The following KCNH8 variants were observed in gnomAD, a reference collection of about 807,000 sequenced individuals.
KCNH8 encodes the protein potassium voltage-gated channel subfamily H member 8.
Under a neutral mutation model 103.6 loss-of-function variants are expected in KCNH8, and 70 were observed. That is an observed-to-expected ratio of 0.68 (90% CI 0.56 to 0.82). The LOEUF is 0.82. KCNH8 is among the 40% of genes least tolerant of loss of function. The probability of loss-of-function intolerance (pLI) is 0.00; values close to 1 mark genes in which losing one functional copy is unlikely to be tolerated. For missense variants in KCNH8, 1,217 were observed against 1,329.9 expected (o/e 0.92, Z 1.32); for synonymous variants, 498 against 489.4 (o/e 1.02, Z -0.23).
At chr3:19,498,581 G>A (rs1006179634) in intron 11 of KCNH8, among the ~76,000 whole-genome samples, 2 of 152,098 alleles carry the variant, frequency 1.3e-5, no homozygotes, top group Non-Finnish European at 2.9e-5. Flanking sequence ...CTCTCAACTC[G>A]TCAAAGTCAT....
intron 8 of KCNH8, among the ~76,000 whole-genome samples, chr3:19,445,975 C>T (rs1175670207): frequency 6.6e-6 from 1 of 151,940 alleles, no homozygotes; most frequent in Non-Finnish European, 1.5e-5. Flanking sequence ...GGTACTTAAG[C>T]AGATGATGTC....
chr3:19,258,979 A>ATATATC (rs1316736628), intron 2 of KCNH8, among the ~76,000 whole-genome samples: 2 of 127,066 alleles, frequency 1.6e-5, no homozygotes, highest in African/African-American at 5.7e-5. Context: ...ATATATATAT[A>ATATATC]TATCTGGAAA....
chr3:19,284,539 G>A, intron 3 of KCNH8, among the ~76,000 whole-genome samples: 1 of 150,464 alleles, frequency 6.6e-6, no homozygotes, highest in African/African-American at 2.5e-5. Context: ...GTGTGTGTGT[G>A]TGTGTGTGTG....
At chr3:19,249,032 CT>C (rs2064242628) in intron 1 of KCNH8, among the ~76,000 whole-genome samples, 2 of 152,026 alleles carry the variant, frequency 1.3e-5, no homozygotes, top group Non-Finnish European at 2.9e-5. Context: ...CACTTTCAAA[CT>C]GAATATATAT....
chr3:19,514,947 A>G (rs1374884331), intron 13 of KCNH8, among the ~76,000 whole-genome samples: 2 of 150,858 alleles, frequency 1.3e-5, no homozygotes, highest in Non-Finnish European at 3.0e-5. Flanking sequence ...CTTTTAAATT[A>G]TCTAACAAAC....
At chr3:19,304,505 A>G (rs2065104669) in intron 3 of KCNH8, among the ~76,000 whole-genome samples, 1 of 152,146 alleles carries the variant, frequency 6.6e-6, no homozygotes, top group African/African-American at 2.4e-5. Flanking sequence ...AAATAAATAT[A>G]GGATATAATG....
intron 1 of KCNH8, among the ~76,000 whole-genome samples, chr3:19,245,263 G>A (rs2064190044): frequency 6.6e-6 from 1 of 152,078 alleles, no homozygotes; most frequent in South Asian, 2.1e-4. Context: ...ATATCATATG[G>A]TTGTAAATGT....
At chr3:19,302,711 A>G (rs1455784238) in intron 3 of KCNH8, among the ~76,000 whole-genome samples, 1 of 152,116 alleles carries the variant, frequency 6.6e-6, no homozygotes, top group Non-Finnish European at 1.5e-5. Flanking sequence ...CTTCCTACTT[A>G]GACTCTCTTC....
intron 5 of KCNH8, among the ~76,000 whole-genome samples, chr3:19,388,463 G>C (rs142260001): frequency 1.3e-5 from 2 of 151,986 alleles, no homozygotes; most frequent in Admixed American, 1.3e-4. Flanking sequence ...TCTCCCTCAC[G>C]GTGGCCATGC....
intron 7 of KCNH8, among the ~76,000 whole-genome samples, chr3:19,416,034 T>C (rs1359521239): frequency 6.6e-6 from 1 of 152,122 alleles, no homozygotes; most frequent in Non-Finnish European, 1.5e-5. Flanking sequence ...GTTATCTTCT[T>C]TCCTACGTAA....
At chr3:19,499,684 A>G (rs1227528339) in intron 11 of KCNH8, among the ~76,000 whole-genome samples, 3 of 152,208 alleles carry the variant, frequency 2.0e-5, no homozygotes, top group African/African-American at 7.2e-5. Flanking sequence ...TATCCAGCCA[A>G]ACTAAGCTTC....
chr3:19,410,756 A>G (rs1236484874), intron 7 of KCNH8, among the ~76,000 whole-genome samples: 3 of 152,018 alleles, frequency 2.0e-5, no homozygotes, highest in Non-Finnish European at 4.4e-5. Context: ...CTAAAAATCT[A>G]GAGGAAATGA....
chr3:19,420,744 T>C (rs2066938503), intron 7 of KCNH8, among the ~76,000 whole-genome samples: 1 of 152,324 alleles, frequency 6.6e-6, no homozygotes, highest in African/African-American at 2.4e-5. Flanking sequence ...AAAATGGGCA[T>C]AGTAATACAA....
intron 11 of KCNH8, among the ~76,000 whole-genome samples, chr3:19,476,027 T>C (rs2125208149): frequency 6.6e-6 from 1 of 152,288 alleles, no homozygotes; most frequent in Middle Eastern, 3.4e-3. Context: ...CACCTGAAAA[T>C]GACTATTTGG....
intron 3 of KCNH8, among the ~76,000 whole-genome samples, chr3:19,316,235 C>G (rs1167578535): frequency 6.6e-6 from 1 of 151,800 alleles, no homozygotes; most frequent in Non-Finnish European, 1.5e-5. Context: ...GGGGGACTGT[C>G]TTGTGCATTG....
At chr3:19,358,648 A>C (rs571484650) in intron 5 of KCNH8, among the ~76,000 whole-genome samples, 88 of 152,110 alleles carry the variant, frequency 5.8e-4, no homozygotes, top group African/African-American at 1.8e-3. Flanking sequence ...AATTTAATTA[A>C]CTATTGACTG....
At chr3:19,322,194 A>G (rs2065358711) in intron 3 of KCNH8, among the ~76,000 whole-genome samples, 1 of 152,148 alleles carries the variant, frequency 6.6e-6, no homozygotes, top group Admixed American at 6.6e-5. Context: ...TTTAAATGTT[A>G]GTATTGAGAT....
At chr3:19,181,960 G>T (rs765878561) in intron 1 of KCNH8, among the ~76,000 whole-genome samples, 1 of 152,068 alleles carries the variant, frequency 6.6e-6, no homozygotes, top group East Asian at 1.9e-4. Flanking sequence ...AGTGTTGTGC[G>T]TGACATTTGT....
At chr3:19,290,619 G>A (rs1162686181) in intron 3 of KCNH8, among the ~76,000 whole-genome samples, 1 of 152,078 alleles carries the variant, frequency 6.6e-6, no homozygotes, top group Admixed American at 6.6e-5. Context: ...GCTGGATAAC[G>A]TTTTTGATGT....
Sources: allele counts gnomAD v4.1 joint callset (sites outside exome capture counted in the v4.1 genomes callset), GRCh38; gene constraint gnomAD v4.1.1; transcripts MANE v1.5; gene names NCBI Gene and HGNC (gene_info 2026-07-23, HGNC 2026-07-21).